ZRANB2: variants seen among roughly 807,000 people sequenced by gnomAD.
The protein encoded by ZRANB2 is zinc finger RANBP2-type containing 2.
ZRANB2 carries 19 observed loss-of-function variants against 53.4 expected under a neutral mutation model. The ratio of observed to expected loss-of-function variants is 0.36; its 90% CI spans 0.25 to 0.52. The LOEUF is 0.52. Among genes scored for constraint, ZRANB2 ranks in the 20% least tolerant of loss-of-function variants. The probability of loss-of-function intolerance (pLI) is 0.93; values close to 1 mark genes in which losing one functional copy is unlikely to be tolerated. For missense variants in ZRANB2, 309 were observed against 401.1 expected (o/e 0.77, Z 1.96); for synonymous variants, 145 against 134.8 (o/e 1.08, Z -0.52).
intron 4 of ZRANB2, among the ~76,000 whole-genome samples, chr1:71,075,370 G>T (rs979775091): frequency 1.3e-5 from 2 of 152,142 alleles, no homozygotes; most frequent in South Asian, 4.1e-4. Context: ...CTAATCATGA[G>T]AAAGAGATCA....
chr1:71,063,299 T>TA lies in ZRANB2; in HGVS notation c.*1774dup, dbSNP rs1306492018. The TA allele has an allele frequency of 1.3e-5, 2 of 152,256 alleles. No homozygotes were observed. The highest frequency in any genetic ancestry group is 3.8e-4 in the East Asian group (2 of 5,200). 9.4% of individuals were successfully genotyped at this position (152,256 alleles called of 1,614,324 possible). A position where few individuals can be genotyped will look rare whatever the true frequency, so the allele number is the denominator to read the frequency against. On this transcript the variant is annotated 3_prime_UTR_variant, in exon 10 of 10. Coordinates refer to ENST00000370920, the MANE Select transcript of ZRANB2 (RefSeq NM_203350.3). ...TAAAAATGAACATTAGATCAGAGTT[T>TA]AAAAATCTCTAGTTTATTTCTAACA...
rs1314597047 is a variant in ZRANB2, at chr1:71,063,593, G to C, written c.*1481C>G. On this transcript the variant is annotated 3_prime_UTR_variant, in exon 10 of 10. Coordinates refer to ENST00000370920, the MANE Select transcript of ZRANB2 (RefSeq NM_203350.3). ...GAAGGTAGACTTTCAAAAAGTCTGA[G>C]GCACAATTACAAGTGAGTAAAAGTT... The C allele has an allele frequency of 1.3e-5, 2 of 152,302 alleles. No individual in the cohort carries two copies. Among genetic ancestry groups the C allele is most frequent in the African/African-American group, 4.8e-5 (2 of 41,374 alleles). The allele number at this position is 152,302 out of a possible 1,614,324, so 9.4% of individuals were successfully genotyped here.
chr1:71,075,533 TACTTAA>T (rs1202249371), intron 4 of ZRANB2, among the ~76,000 whole-genome samples: 1 of 152,044 alleles, frequency 6.6e-6, no homozygotes, highest in Non-Finnish European at 1.5e-5. Flanking sequence ...ATGGCAAAGT[TACTTAA>T]ACTTTGGGCT....
chr1:71,072,793 T>C (rs1354113105), intron 4 of ZRANB2, among the ~76,000 whole-genome samples: 1 of 152,118 alleles, frequency 6.6e-6, no homozygotes, highest in Non-Finnish European at 1.5e-5. Flanking sequence ...ATGACTTATT[T>C]AATTCATAGA....
chr1:71,078,984 C>T (rs1278506532), intron 1 of ZRANB2, among the ~76,000 whole-genome samples: 1 of 152,194 alleles, frequency 6.6e-6, no homozygotes. Flanking sequence ...CACATTAGCA[C>T]ATATCATTAG....
At chr1:71,078,386 G>A (rs74544306) in intron 3 of ZRANB2, 71 bp downstream of exon 3, 98,574 of 1,301,480 alleles carry the variant, frequency 0.076, 4,427 homozygotes, top group African/African-American at 0.15. Context: ...AATAAGAGCT[G>A]TAATATAAAC....
chr1:71,080,202 T>C (rs757410603), intron 1 of ZRANB2, among the ~76,000 whole-genome samples: 2 of 151,642 alleles, frequency 1.3e-5, no homozygotes, highest in Non-Finnish European at 2.9e-5. Context: ...CACCTATTTG[T>C]GCACCCTTCA....
chr1:71,068,625 A>G (rs1226075480), intron 8 of ZRANB2, among the ~76,000 whole-genome samples: 1 of 152,178 alleles, frequency 6.6e-6, no homozygotes, highest in African/African-American at 2.4e-5. Context: ...ATGTATATAC[A>G]GTACTCTAGT....
chr1:71,070,756 C>T, intron 7 of ZRANB2, 71 bp downstream of exon 7: 1 of 990,092 alleles, frequency 1.0e-6, no homozygotes, highest in Non-Finnish European at 1.4e-6. Flanking sequence ...TCAAGAAAAA[C>T]AAAATTTATA....
intron 4 of ZRANB2, among the ~76,000 whole-genome samples, chr1:71,075,987 C>T (rs1661702334): frequency 6.6e-6 from 1 of 151,876 alleles, no homozygotes; most frequent in Admixed American, 6.6e-5. Context: ...CCCTCTGATC[C>T]CTAGAAACTA....
intron 1 of ZRANB2, among the ~76,000 whole-genome samples, chr1:71,079,061 A>C (rs1405334389): frequency 2.0e-5 from 3 of 152,192 alleles, no homozygotes; most frequent in African/African-American, 7.2e-5. Flanking sequence ...ACAAGCTACC[A>C]GGGAGTTTTA....
chr1:71,070,654 A>G (rs1267666656), intron 7 of ZRANB2, among the ~76,000 whole-genome samples, 173 bp downstream of exon 7: 6 of 152,246 alleles, frequency 3.9e-5, no homozygotes, highest in African/African-American at 1.4e-4. Context: ...TTCTAAAAAT[A>G]CTGGACAACA....
chr1:71,070,653 T>C lies in ZRANB2; in HGVS notation c.683+174A>G, dbSNP rs545900354. Among the ~76,000 whole-genome samples, 6 of 152,316 alleles carry C rather than the reference T, an allele frequency of 3.9e-5. No individual in the cohort carries two copies. The East Asian group carries it at 5.8e-4, about 15-fold the overall frequency. On this transcript the variant is annotated intron_variant, in intron 7 of 9. Transcript: ENST00000370920. ...TGCTAAGACTTTACTTTTCTAAAAA[T>C]ACTGGACAACAACTGTATGGTACTA... is the stretch of plus-strand genomic sequence containing the variant.
At position 71,064,753 on chromosome 1, in the gene ZRANB2, A is replaced by G. The variant is rs1661383180; in HGVS notation, c.*321T>C. On this transcript the variant is annotated 3_prime_UTR_variant, in exon 10 of 10. Coordinates refer to ENST00000370920, the MANE Select transcript of ZRANB2 (RefSeq NM_203350.3). Reference sequence around the variant, plus strand: ...AAGCCTAGGTAATCCTGTCTTAGCCAATGGACAGGATGTATTTGGAAATGA... The same window carrying G: ...AAGCCTAGGTAATCCTGTCTTAGCCGATGGACAGGATGTATTTGGAAATGA... 5.5e-6 allele frequency: 1 copy of G among 183,060 alleles called. No individual in the cohort carries two copies. The highest frequency in any genetic ancestry group is 6.2e-5 in the Admixed American group (1 of 16,056). The allele number at this position is 183,060 out of a possible 1,614,324, so 11.3% of individuals were successfully genotyped here.
chr1:71,070,571 G>GT (rs1384127580), intron 7 of ZRANB2, among the ~76,000 whole-genome samples: 1 of 151,998 alleles, frequency 6.6e-6, no homozygotes, highest in African/African-American at 2.4e-5. Context: ...ATTTAATTCA[G>GT]TTTTTAAGTC....
At chr1:71,080,343 C>T (rs895702159) in intron 1 of ZRANB2, among the ~76,000 whole-genome samples, 1 of 152,084 alleles carries the variant, frequency 6.6e-6, no homozygotes, top group Non-Finnish European at 1.5e-5. Context: ...CAGGCCTCTT[C>T]CCTCCTTTTC....
chr1:71,080,631 G>T (rs928502498), intron 1 of ZRANB2, among the ~76,000 whole-genome samples: 2 of 118,118 alleles, frequency 1.7e-5, no homozygotes, highest in African/African-American at 6.4e-5. Context: ...GTTTCCTATC[G>T]CTAAAACCTG....
At chr1:71,076,917 T>C (rs375801507) in intron 3 of ZRANB2, 40 bp from the exon 4 acceptor site, 13 of 1,370,400 alleles carry the variant, frequency 9.5e-6, no homozygotes, top group Non-Finnish European at 1.0e-5. Flanking sequence ...GGCTATAATA[T>C]AGATGAATAT....
rs1430351158 is a variant in ZRANB2, at chr1:71,063,379, T to C, written c.*1695A>G. The stretch of plus-strand genomic sequence containing the variant: ...TTATTTACATTTGTCTACAGTATCA[T>C]TTCCTTATGAAATGAACTAGTACAG... On this transcript the variant is annotated 3_prime_UTR_variant, in exon 10 of 10. Coordinates refer to ENST00000370920, the MANE Select transcript of ZRANB2 (RefSeq NM_203350.3). 1.3e-5 allele frequency: 2 copies of C among 152,500 alleles called. No individual in the cohort carries two copies. The highest frequency in any genetic ancestry group is 3.8e-4 in the East Asian group (2 of 5,198). The allele number at this position is 152,500 out of a possible 1,614,324, so 9.4% of individuals were successfully genotyped here. A position where few individuals can be genotyped will look rare whatever the true frequency, so the allele number is the denominator to read the frequency against.
Sources: allele counts gnomAD v4.1 joint callset (sites outside exome capture counted in the v4.1 genomes callset), GRCh38; gene constraint gnomAD v4.1.1; transcripts MANE v1.5; gene names NCBI Gene and HGNC (gene_info 2026-07-23, HGNC 2026-07-21).